The following INSC variants were observed in gnomAD, a reference collection of about 807,000 sequenced individuals.
The protein encoded by INSC is protein inscuteable homolog.
INSC carries 67 observed loss-of-function variants against 58.6 expected under a neutral mutation model. The observed-to-expected ratio is 1.14, with a 90% CI of 0.94 to 1.40. The LOEUF (loss-of-function observed/expected upper bound fraction) is 1.40. Ranked by LOEUF, INSC falls within the 40% of genes most tolerant of loss-of-function variation. The pLI, the probability that INSC is intolerant of heterozygous loss-of-function variation, is 0.00. For synonymous variants in INSC, 262 were observed against 276.1 expected, an observed-to-expected ratio of 0.95 and a Z score of 0.51; for missense variants, 714 against 692.0, an observed-to-expected ratio of 1.03 and a Z score of -0.36.
chr11:15,219,825 G>C (rs1851369693), intron 7 of INSC, among the ~76,000 whole-genome samples: 1 of 152,210 alleles, frequency 6.6e-6, no homozygotes, highest in Non-Finnish European at 1.5e-5. Context: ...GATGGAGTAA[G>C]AGGTTTCTTA....
At chr11:15,186,250 T>TC (rs1263791617) in intron 5 of INSC, among the ~76,000 whole-genome samples, 1 of 150,842 alleles carries the variant, frequency 6.6e-6, no homozygotes, top group Non-Finnish European at 1.5e-5. Flanking sequence ...TTCTGCTACT[T>TC]TTTTTTTTTC....
At chr11:15,156,637 A>G (rs886756001) in intron 2 of INSC, among the ~76,000 whole-genome samples, 1 of 152,222 alleles carries the variant, frequency 6.6e-6, no homozygotes, top group Non-Finnish European at 1.5e-5. Flanking sequence ...ACTATTAACA[A>G]TGAGGTCTTA....
rs755760175 is a variant in INSC, at chr11:15,149,185, T to C, written c.11T>C (p.Leu4Pro). 12 of 1,611,004 alleles carry C rather than the reference T, an allele frequency of 7.4e-6. No homozygotes were observed. In the South Asian group the frequency reaches 9.9e-5, roughly 13 times the overall value. MMA[L>P]PGGRHLDSVT... The stretch of plus-strand genomic sequence containing the variant: ...CAGATTGGGATCAACATGATGGCAC[T>C]GCCTGGAGGTCGCCACCTGGACTCC... Residue 4 changes from leucine (L) to proline (P), a missense_variant, in exon 2 of 13, where the codon CTG becomes CCG. Leu to Pro is a moderately conservative substitution (Grantham distance 98, BLOSUM62 -3). Coordinates refer to ENST00000379556, the MANE Select transcript of INSC (RefSeq NM_001042536.3).
chr11:15,174,334 C>T (rs543246832), intron 2 of INSC, among the ~76,000 whole-genome samples: 1 of 152,318 alleles, frequency 6.6e-6, no homozygotes, highest in East Asian at 1.9e-4. Context: ...CTCCCCCACC[C>T]ACCCCTAGCA....
chr11:15,211,531 A>G (rs990913850), intron 7 of INSC, among the ~76,000 whole-genome samples: 2 of 152,170 alleles, frequency 1.3e-5, no homozygotes, highest in African/African-American at 4.8e-5. Context: ...GAAATGCTTA[A>G]TTTTGTTAAA....
the INSC span, among the ~76,000 whole-genome samples, chr11:15,255,960 C>T: frequency 1.3e-5 from 2 of 152,184 alleles, no homozygotes; most frequent in Non-Finnish European, 2.9e-5. Flanking sequence ...GTAAACTCCA[C>T]GGTCTCTTTC....
intron 2 of INSC, among the ~76,000 whole-genome samples, chr11:15,160,874 C>T (rs1398721717): frequency 6.6e-6 from 1 of 152,150 alleles, no homozygotes; most frequent in Non-Finnish European, 1.5e-5. Context: ...TGGAGTCAGG[C>T]ACTGGACTGA....
At chr11:15,151,140 G>A (rs1374757779) in intron 2 of INSC, among the ~76,000 whole-genome samples, 6 of 152,158 alleles carry the variant, frequency 3.9e-5, no homozygotes, top group African/African-American at 1.2e-4. Flanking sequence ...CCACACAGCA[G>A]GAGGTGAGTG....
chr11:15,186,876 T>A (rs528843805), intron 5 of INSC, among the ~76,000 whole-genome samples: 13 of 152,158 alleles, frequency 8.5e-5, no homozygotes, highest in Non-Finnish European at 1.3e-4. Context: ...AAATACTTTT[T>A]AAAAAAAACC....
At chr11:15,113,353 G>A (rs1230938102), upstream of INSC, among the ~76,000 whole-genome samples, 2 of 152,012 alleles carry the variant, frequency 1.3e-5, no homozygotes, top group African/African-American at 2.4e-5. Flanking sequence ...TAGAGATGGG[G>A]TTTCACCATG....
chr11:15,201,660 A>G (rs1850597864), intron 7 of INSC, among the ~76,000 whole-genome samples: 1 of 152,212 alleles, frequency 6.6e-6, no homozygotes, highest in African/African-American at 2.4e-5. Context: ...CAGGGACTCC[A>G]GCCAGGAGAG....
intron 5 of INSC, among the ~76,000 whole-genome samples, chr11:15,183,177 G>T (rs1442912062): frequency 2.0e-5 from 3 of 151,830 alleles, no homozygotes; most frequent in Non-Finnish European, 4.4e-5. Context: ...AAGAAACCCT[G>T]TCTCTACTAA....
At chr11:15,207,801 C>G (rs914983612) in intron 7 of INSC, among the ~76,000 whole-genome samples, 3 of 152,184 alleles carry the variant, frequency 2.0e-5, no homozygotes, top group Non-Finnish European at 4.4e-5. Context: ...TCACTTTAAT[C>G]AGTTTTTCTC....
At chr11:15,123,719 G>A (rs1847925827) in intron 1 of INSC, among the ~76,000 whole-genome samples, 5 of 152,218 alleles carry the variant, frequency 3.3e-5, no homozygotes, top group Admixed American at 3.3e-4. Context: ...GCATCCCTGA[G>A]CTGTGGCTTC....
At chr11:15,116,671 C>T (rs1419211519) in intron 1 of INSC, among the ~76,000 whole-genome samples, 2 of 152,234 alleles carry the variant, frequency 1.3e-5, no homozygotes, top group South Asian at 4.2e-4. Context: ...GCTCTTTCAG[C>T]TGGGAAGTTA....
intron 7 of INSC, among the ~76,000 whole-genome samples, chr11:15,216,744 G>A (rs930845452): frequency 6.6e-6 from 1 of 152,158 alleles, no homozygotes; most frequent in African/African-American, 2.4e-5. Flanking sequence ...TGAGGTTCCT[G>A]GTGAGGTCTC....
chr11:15,134,776 T>C (rs4757289), intron 1 of INSC, among the ~76,000 whole-genome samples: 74,843 of 151,892 alleles, frequency 0.49, 19,420 homozygotes, highest in Non-Finnish European at 0.58. Flanking sequence ...CGCAGATTGA[T>C]GTGGATTAGG....
rs532805148 is a variant in INSC at position 15,146,430 on chromosome 11, A to G, written c.-45-2700A>G. Among the ~76,000 whole-genome samples, 5 of 152,334 alleles carry G rather than the reference A, an allele frequency of 3.3e-5. No homozygotes were observed. In the East Asian group the frequency reaches 5.8e-4, roughly 18 times the overall value. The stretch of plus-strand genomic sequence containing the variant: ...TAGTCTGTGAATAGGGCAGTGATGC[A>G]TATGCAATCAGATGTCCTTAGGGTG... On this transcript the variant is annotated intron_variant, in intron 1 of 12. Transcript: ENST00000379556.
chr11:15,152,326 G>A (rs56408200), intron 2 of INSC, among the ~76,000 whole-genome samples: 2,709 of 152,290 alleles, frequency 0.018, 87 homozygotes, highest in African/African-American at 0.062. Context: ...AAAATGTCCA[G>A]GGCCTTCATG....
Sources: allele counts gnomAD v4.1 joint callset (sites outside exome capture counted in the v4.1 genomes callset), GRCh38; gene constraint gnomAD v4.1.1; transcripts MANE v1.5; gene names NCBI Gene and HGNC (gene_info 2026-07-23, HGNC 2026-07-21).